FRRS1: variants seen among roughly 807,000 people sequenced by gnomAD.
FRRS1 encodes ferric chelate reductase 1.
In FRRS1, 51 loss-of-function variants were observed where a neutral mutation model predicts 70.7. The observed-to-expected ratio is 0.72, with a 90% confidence interval of 0.58 to 0.91. The LOEUF is 0.91. Among genes scored for constraint, FRRS1 ranks in the 40% least tolerant of loss-of-function variants. The pLI is 0.00. For synonymous variants in FRRS1, 225 were observed against 238.7 expected (o/e 0.94, Z 0.53); for missense variants, 672 against 726.0 (o/e 0.93, Z 0.86).
In FRRS1 at chr1:99,709,273, TAAC is replaced by T; in HGVS notation, c.1625-17_1625-15del. On this transcript the variant is annotated splice_polypyrimidine_tract_variant and intron_variant, in intron 15 of 16. Transcript: ENST00000646001. ...CCAATATTTCAACTGTCAAGAATAA[TAAC>T]ATAAGTTTTTAAGGGCAGCGTTATG... 6 of 1,585,894 alleles carry T rather than the reference TAAC, an allele frequency of 3.8e-6. No individual in the cohort carries two copies. The highest frequency in any genetic ancestry group is 5.2e-6 in the Non-Finnish European group (6 of 1,155,492).
intron 4 of FRRS1, among the ~76,000 whole-genome samples, chr1:99,743,283 C>A (rs1656064291): frequency 6.6e-6 from 1 of 151,578 alleles, no homozygotes; most frequent in African/African-American, 2.4e-5. Flanking sequence ...AAAAGAACCC[C>A]AAAAAAAACT....
In FRRS1 at chr1:99,712,521, CA is replaced by C. The variant is rs758387927; in HGVS notation, c.1324-7del. 3.9e-6 allele frequency: 6 copies of C among 1,555,688 alleles called. No homozygotes were observed. Among genetic ancestry groups the C allele is most frequent in the Non-Finnish European group, 5.3e-6 (6 of 1,141,758 alleles). On this transcript the variant is annotated splice_polypyrimidine_tract_variant and splice_region_variant and intron_variant, in intron 12 of 16. Transcript: ENST00000646001. ...TATGGGTGGTAACCTGCATGCTAAA[CA>C]AAGTTACATCATTTTAATGGCCTCA...
chr1:99,753,078 T>G (rs1255614242), intron 1 of FRRS1, among the ~76,000 whole-genome samples: 1 of 151,740 alleles, frequency 6.6e-6, no homozygotes, highest in East Asian at 1.9e-4. Flanking sequence ...CTGGCTGTGG[T>G]GGCACGTGCC....
At chr1:99,765,932 A>C (rs577312197) in intron 1 of FRRS1, 3 of 152,110 alleles carry the variant, frequency 2.0e-5, no homozygotes, top group African/African-American at 2.4e-5. Flanking sequence ...TAAATAAATA[A>C]AAATAAAAAA....
intron 9 of FRRS1, among the ~76,000 whole-genome samples, chr1:99,721,494 C>G (rs1409624598): frequency 6.6e-6 from 1 of 151,700 alleles, no homozygotes; most frequent in African/African-American, 2.4e-5. Flanking sequence ...CCCCAAAAAT[C>G]TCAAAATCTA....
At position 99,747,360 on chromosome 1, in the gene FRRS1, A is replaced by G; in HGVS notation, c.267T>C (p.Pro89=). ...EARNAEDLNG[P]PIGSFTLIDS... Reference sequence around the variant, plus strand: ...CAATCAATGTGAAGGAGCCAATAGGAGGGCCATTCAGATCCTCAGCATTAC... The same window carrying G: ...CAATCAATGTGAAGGAGCCAATAGGGGGGCCATTCAGATCCTCAGCATTAC... Residue 89 remains proline, a synonymous_variant, in exon 4 of 17, where the codon CCT becomes CCC. Coordinates refer to ENST00000646001, the MANE Select transcript of FRRS1 (RefSeq NM_001361041.2). The G allele has an allele frequency of 1.2e-6, 2 of 1,613,818 alleles. No individual in the cohort carries two copies. The highest frequency in any genetic ancestry group is 2.2e-5 in the South Asian group (2 of 91,076).
chr1:99,749,910 C>A (rs907307926), intron 1 of FRRS1, among the ~76,000 whole-genome samples: 1 of 152,170 alleles, frequency 6.6e-6, no homozygotes, highest in East Asian at 1.9e-4. Flanking sequence ...ACACCATGGA[C>A]AGGTTGCAGA....
At chr1:99,744,969 C>CAAAAAAA (rs71075450) in intron 4 of FRRS1, among the ~76,000 whole-genome samples, 152 of 91,750 alleles carry the variant, frequency 1.7e-3, no homozygotes, top group Non-Finnish European at 2.9e-3. Flanking sequence ...GACTCCGTCT[C>CAAAAAAA]AAAAAAAAAA....
At chr1:99,745,320 G>A (rs1156802096) in intron 4 of FRRS1, among the ~76,000 whole-genome samples, 1 of 152,184 alleles carries the variant, frequency 6.6e-6, no homozygotes, top group African/African-American at 2.4e-5. Flanking sequence ...AGAAATCTTT[G>A]TCTGGATTGG....
rs540115115 is a variant in FRRS1 at position 99,724,719 on chromosome 1, A to G, written c.1006+3774T>C. Among the ~76,000 whole-genome samples the G allele has an allele frequency of 4.6e-5, 7 of 152,162 alleles. No individual in the cohort carries two copies. In the East Asian group the frequency reaches 1.2e-3, roughly 25 times the overall value. ...CCAGTACAAAAAGATTGGAAAATTC[A>G]TTCCCAGGAATAGCAATCTCCAGGT... On this transcript the variant is annotated intron_variant, in intron 9 of 16. Coordinates refer to ENST00000646001, the MANE Select transcript of FRRS1 (RefSeq NM_001361041.2).
rs1656338554 is a variant in FRRS1 at position 99,747,495 on chromosome 1, TG to T, written c.197-66del. The stretch of plus-strand genomic sequence containing the variant: ...ATATCAAAAAAAAATGTTTAGAGGT[TG>T]TACATTACAATTACAATGAGGTCTA... On this transcript the variant is annotated intron_variant, in intron 3 of 16. Transcript: ENST00000646001. 3.4e-6 allele frequency: 5 copies of T among 1,469,816 alleles called. No homozygotes were observed. The Admixed American group carries it at 1.0e-4, about 30-fold the overall frequency. The allele number at this position is 1,469,816 out of a possible 1,614,324, so 91.0% of individuals were successfully genotyped here.
At chr1:99,759,377 C>T (rs980282844) in intron 1 of FRRS1, among the ~76,000 whole-genome samples, 4 of 152,092 alleles carry the variant, frequency 2.6e-5, no homozygotes, top group African/African-American at 9.7e-5. Context: ...ATAGAAAGAA[C>T]CTATGTTGAA....
intron 7 of FRRS1, among the ~76,000 whole-genome samples, chr1:99,737,246 A>G (rs1655718714): frequency 6.8e-6 from 1 of 147,172 alleles, no homozygotes; most frequent in Non-Finnish European, 1.5e-5. Flanking sequence ...CCATTTCAGC[A>G]CTACCCAGGA....
intron 4 of FRRS1, among the ~76,000 whole-genome samples, chr1:99,747,016 T>C (rs192553383): frequency 6.6e-6 from 1 of 152,334 alleles, no homozygotes; most frequent in Non-Finnish European, 1.5e-5. Flanking sequence ...AATCCACTTC[T>C]ATTTAATGAA....
At chr1:99,763,298 TTTGG>T (rs1417051457) in intron 1 of FRRS1, among the ~76,000 whole-genome samples, 3 of 152,138 alleles carry the variant, frequency 2.0e-5, no homozygotes, top group South Asian at 4.1e-4. Context: ...TGGACAGGAA[TTTGG>T]TTAAATTCCT....
chr1:99,727,965 A>G (rs958004442), intron 9 of FRRS1, among the ~76,000 whole-genome samples: 1 of 152,238 alleles, frequency 6.6e-6, no homozygotes, highest in Non-Finnish European at 1.5e-5. Flanking sequence ...CCAGCAAGGC[A>G]GTGTGAGGCA....
rs374061776 is a variant in FRRS1, at chr1:99,712,161, C to T, written c.1424G>A (p.Arg475Lys). 8.1e-6 allele frequency: 13 copies of T among 1,606,076 alleles called. No individual in the cohort carries two copies. In the African/African-American group the frequency reaches 1.2e-4, roughly 15 times the overall value. The change falls in exon 14 of 17, where the codon AGG becomes AAG. Residue 475 changes from arginine (R) to lysine (K), a missense_variant and splice_region_variant. By Grantham distance (26) the Arg-to-Lys change is conservative (BLOSUM62 2). Coordinates refer to ENST00000646001, the MANE Select transcript of FRRS1 (RefSeq NM_001361041.2). ...CCAATGAGTCCAGTTAAACATTTGC[C>T]TTCTACCAAAATAAGAACCAGTCAG... ...VFRPPLHDPR[R>K]QMFNWTHWSM... is the part of the protein sequence containing the mutation.
At chr1:99,757,587 A>C (rs1656899782) in intron 1 of FRRS1, among the ~76,000 whole-genome samples, 1 of 152,206 alleles carries the variant, frequency 6.6e-6, no homozygotes, top group Admixed American at 6.5e-5. Context: ...AACTACCCAT[A>C]ATATAAAAAC....
chr1:99,730,671 T>C (rs1335365618), intron 7 of FRRS1, among the ~76,000 whole-genome samples: 4 of 151,960 alleles, frequency 2.6e-5, no homozygotes, highest in East Asian at 1.9e-4. Flanking sequence ...ATCCAGACCA[T>C]CCTGGCTAAC....
Sources: gnomAD v4.1 joint callset for allele counts (sites outside exome capture counted in the v4.1 genomes callset) on GRCh38, gnomAD v4.1.1 for gene constraint, MANE v1.5 for transcripts, NCBI Gene and HGNC (gene_info 2026-07-23, HGNC 2026-07-21) for gene names.